The following SORBS2 variants were observed in gnomAD, a reference collection of about 807,000 sequenced individuals.
SORBS2 encodes the protein sorbin and SH3 domain-containing protein 2.
SORBS2 carries 46 observed loss-of-function variants against 97.7 expected under a neutral mutation model. The observed-to-expected ratio is 0.47, with a 90% CI of 0.37 to 0.60. SORBS2 has a LOEUF of 0.60. Among genes scored for constraint, SORBS2 ranks in the 20% least tolerant of loss-of-function variants. The pLI is 0.00. For synonymous variants in SORBS2, 476 were observed against 473.4 expected, an observed-to-expected ratio of 1.01 and a Z score of -0.07; for missense variants, 1,316 against 1,282.3, an observed-to-expected ratio of 1.03 and a Z score of -0.40.
At chr4:185,658,692 C>CTTT (rs35439018), upstream of SORBS2, among the ~76,000 whole-genome samples, 450 of 115,964 alleles carry the variant, frequency 3.9e-3, 15 homozygotes, top group South Asian at 0.023. Context: ...AATAAGTAAG[C>CTTT]TTTTTTTTTT....
At chr4:185,891,017 A>G (rs1337532560) in intron 1 of SORBS2, among the ~76,000 whole-genome samples, 4 of 152,242 alleles carry the variant, frequency 2.6e-5, no homozygotes, top group African/African-American at 9.6e-5. Flanking sequence ...GGGTTTCTTC[A>G]GCTATAAAAT....
exon 11 of SORBS2, chr4:185,614,911 C>T: frequency 6.2e-7 from 1 of 1,614,156 alleles, no homozygotes; most frequent in Non-Finnish European, 8.5e-7. Flanking sequence ...CCGGGCTGGG[C>T]TGGCGGAGGT....
At chr4:185,793,292 G>T (rs1012688812) in intron 1 of SORBS2, among the ~76,000 whole-genome samples, 1 of 152,174 alleles carries the variant, frequency 6.6e-6, no homozygotes, top group Non-Finnish European at 1.5e-5. Context: ...CTAGGCAGTG[G>T]CAGGATGGCT....
chr4:185,835,880 G>A (rs550610413), intron 1 of SORBS2, among the ~76,000 whole-genome samples: 42 of 152,062 alleles, frequency 2.8e-4, no homozygotes, highest in African/African-American at 7.7e-4. Context: ...CCCATAAACC[G>A]TCTATTACAG....
At chr4:185,910,442 T>C (rs1223515905) in intron 1 of SORBS2, among the ~76,000 whole-genome samples, 1 of 152,196 alleles carries the variant, frequency 6.6e-6, no homozygotes, top group Non-Finnish European at 1.5e-5. Context: ...CTGGAGACTT[T>C]CTCCCCATTC....
chr4:185,857,428 G>A (rs2099221119), intron 1 of SORBS2, among the ~76,000 whole-genome samples: 1 of 152,108 alleles, frequency 6.6e-6, no homozygotes, highest in African/African-American at 2.4e-5. Flanking sequence ...TGTGTTAACT[G>A]TACAAATTGT....
intron 1 of SORBS2, among the ~76,000 whole-genome samples, chr4:185,788,559 G>A (rs983395438): frequency 6.6e-6 from 1 of 152,124 alleles, no homozygotes; most frequent in African/African-American, 2.4e-5. Flanking sequence ...TTCGTACAAG[G>A]CTCGCTGGTG....
chr4:185,586,030 G>A (rs942598262), exon 15 of SORBS2: 4 of 152,418 alleles, frequency 2.6e-5, no homozygotes, highest in Non-Finnish European at 4.4e-5. Flanking sequence ...AAGTGTTGTC[G>A]CAGGATAAAG....
chr4:185,801,582 C>T (rs555822487), intron 1 of SORBS2, among the ~76,000 whole-genome samples: 5 of 152,256 alleles, frequency 3.3e-5, no homozygotes, highest in African/African-American at 7.2e-5. Context: ...ATGTTGAGCA[C>T]GTTTCCATAC....
At chr4:185,664,703 T>C (rs2097571929) in intron 4 of SORBS2, among the ~76,000 whole-genome samples, 1 of 152,212 alleles carries the variant, frequency 6.6e-6, no homozygotes, top group Admixed American at 6.5e-5. Flanking sequence ...AAAGCATCTT[T>C]TACTTTATGT....
chr4:185,624,612 T>TAG, intron 6 of SORBS2, 118 bp from the exon 19 acceptor site: 2 of 1,119,518 alleles, frequency 1.8e-6, no homozygotes, highest in Non-Finnish European at 2.5e-6. Context: ...AAGCAGTTAG[T>TAG]GTGTTTTAAT....
At chr4:185,927,890 A>G (rs28709332) in intron 1 of SORBS2, among the ~76,000 whole-genome samples, 43,162 of 151,972 alleles carry the variant, frequency 0.28, 6,421 homozygotes, top group South Asian at 0.34. Context: ...TTCATCACCA[A>G]CACGGACTTC....
At chr4:185,668,960 A>G (rs890102316) in intron 4 of SORBS2, among the ~76,000 whole-genome samples, 1 of 152,264 alleles carries the variant, frequency 6.6e-6, no homozygotes, top group African/African-American at 2.4e-5. Context: ...TCTTCTGCAA[A>G]GGACAGGGAC....
chr4:185,652,421 A>G (rs2097330365), intron 2 of SORBS2, among the ~76,000 whole-genome samples: 1 of 152,176 alleles, frequency 6.6e-6, no homozygotes, highest in African/African-American at 2.4e-5. Context: ...TGGAGGGCTG[A>G]GGCCAGAGTG....
chr4:185,754,720 C>T (rs2098820945), intron 2 of SORBS2, among the ~76,000 whole-genome samples: 1 of 152,152 alleles, frequency 6.6e-6, no homozygotes, highest in African/African-American at 2.4e-5. Flanking sequence ...GTGTTCCAAA[C>T]AGCCATTTAG....
intron 2 of SORBS2, among the ~76,000 whole-genome samples, chr4:185,683,231 T>C (rs1023705738): frequency 9.9e-5 from 15 of 152,112 alleles, no homozygotes; most frequent in Admixed American, 2.0e-4. Context: ...TGAAATGTTT[T>C]TTTTTTCTTT....
At chr4:185,827,192 TCATCATCATCAC>T (rs1561210865) in intron 1 of SORBS2, among the ~76,000 whole-genome samples, 11 of 48,966 alleles carry the variant, frequency 2.2e-4, no homozygotes, top group Middle Eastern at 0.011. Context: ...ATCACCATCA[TCATCATCATCAC>T]CATCATCACC....
upstream of SORBS2, among the ~76,000 whole-genome samples, chr4:185,658,078 A>T (rs1474317216): frequency 6.6e-6 from 1 of 152,206 alleles, no homozygotes; most frequent in East Asian, 1.9e-4. Context: ...CCAGACAAAG[A>T]CATGACTGTT....
chr4:185,659,353 G>T (rs2097471397), upstream of SORBS2, among the ~76,000 whole-genome samples: 1 of 152,048 alleles, frequency 6.6e-6, no homozygotes, highest in Non-Finnish European at 1.5e-5. Flanking sequence ...CCGGGTTGTA[G>T]TTTCTTTCCC....
Sources: allele counts gnomAD v4.1 joint callset (sites outside exome capture counted in the v4.1 genomes callset), GRCh38; gene constraint gnomAD v4.1.1; transcripts MANE v1.5; gene names NCBI Gene and HGNC (gene_info 2026-07-23, HGNC 2026-07-21).